The following HNRNPH1 variants were observed in gnomAD, a reference collection of about 807,000 sequenced individuals.
The protein encoded by HNRNPH1 is heterogeneous nuclear ribonucleoprotein H1, also known as heterogeneous nuclear ribonucleoprotein H.
HNRNPH1 carries 4 observed loss-of-function variants against 58.6 expected under a neutral mutation model. That is an observed-to-expected ratio of 0.07 (90% confidence interval 0.03 to 0.16). The LOEUF (loss-of-function observed/expected upper bound fraction) is 0.16, where lower values mean the gene tolerates loss of function less well. HNRNPH1 is among the 10% of genes least tolerant of loss of function. The probability of loss-of-function intolerance (pLI) is 1.00; values close to 1 mark genes in which losing one functional copy is unlikely to be tolerated. For missense variants in HNRNPH1, 271 were observed against 564.2 expected (o/e 0.48, Z 5.26); for synonymous variants, 192 against 189.2 (o/e 1.01, Z -0.12).
chr5:179,630,078 C>G (rs990528944), intron 2 of HNRNPH1, among the ~76,000 whole-genome samples: 1 of 145,322 alleles, frequency 6.9e-6, no homozygotes, highest in Non-Finnish European at 1.5e-5. Flanking sequence ...TGCAGATGAC[C>G]GGGCTCATGC....
Position 179,623,028 on chromosome 5 carries a change from C to G in HNRNPH1, c.97+9G>C. The G allele has an allele frequency of 6.7e-7, 1 of 1,493,236 alleles. No individual in the cohort carries two copies. The highest frequency in any genetic ancestry group is 9.1e-7 in the Non-Finnish European group (1 of 1,103,086). 92.5% of individuals were successfully genotyped at this position (1,493,236 alleles called of 1,614,324 possible). On this transcript the variant is annotated intron_variant, in intron 1 of 12. Transcript: ENST00000356731. ...GAACTCGAACTCCCGCGTCCTAGTT[C>G]TAACTCACCAGAAAAAAACCTCTGC...
chr5:179,615,748 C>A, intron 11 of HNRNPH1, 153 bp from the exon 13 acceptor site: 1 of 533,382 alleles, frequency 1.9e-6, no homozygotes, highest in Non-Finnish European at 3.4e-6. Context: ...AATTCTCCCT[C>A]TGTCTAAAAC....
intron 12 of HNRNPH1, 24 bp from the exon 14 acceptor site, chr5:179,614,983 G>A (rs1330232568): frequency 2.2e-6 from 3 of 1,334,320 alleles, no homozygotes; most frequent in Non-Finnish European, 2.1e-6. Context: ...AATTTGACAA[G>A]TTAGGAGTAA....
chr5:179,619,477 C>T, intron 3 of HNRNPH1, 70 bp from the exon 5 acceptor site: 3 of 1,442,884 alleles, frequency 2.1e-6, no homozygotes, highest in Non-Finnish European at 2.9e-6. Context: ...AATGATTCTT[C>T]TTATAGCTTT....
At chr5:179,633,923 T>TAAATAAAATAAAACAAAATA (rs1775052134) in intron 2 of HNRNPH1, 1 of 147,540 alleles carries the variant, frequency 6.8e-6, no homozygotes, top group African/African-American at 2.5e-5. Flanking sequence ...GTCTCTAAAA[T>TAAATAAAATAAAACAAAATA]AAATAAAATA....
At chr5:179,616,471 G>C (rs1769739909) in intron 10 of HNRNPH1, 7 of 542,020 alleles carry the variant, frequency 1.3e-5, no homozygotes, top group Non-Finnish European at 2.0e-5. Flanking sequence ...TCCGTAAGTA[G>C]AGGCATTTTG....
In HNRNPH1 at chr5:179,617,486, G is replaced by A. The variant is rs767690829; in HGVS notation, c.1057+28C>T. On this transcript the variant is annotated intron_variant, in intron 8 of 12. Coordinates refer to ENST00000356731, the Ensembl canonical transcript of HNRNPH1. ...TGTTAGTCACACAATCACCTGTTAAGAGCCCACAAATGCTCAATCACACTT... is the reference window on the plus strand; with the variant it reads ...TGTTAGTCACACAATCACCTGTTAAAAGCCCACAAATGCTCAATCACACTT... The A allele has an allele frequency of 2.5e-6, 4 of 1,607,266 alleles. No homozygotes were observed. In the South Asian group the frequency reaches 3.3e-5, roughly 13 times the overall value.
intron 11 of HNRNPH1, 86 bp downstream of exon 12, chr5:179,616,040 C>A: frequency 8.5e-7 from 1 of 1,170,250 alleles, no homozygotes; most frequent in Non-Finnish European, 1.3e-6. Flanking sequence ...AGTACAGTAA[C>A]AGGCTTTACC....
chr5:179,633,348 T>C (rs892631415), intron 2 of HNRNPH1, among the ~76,000 whole-genome samples: 1 of 151,168 alleles, frequency 6.6e-6, no homozygotes, highest in Non-Finnish European at 1.5e-5. Context: ...CAGGCTGGAG[T>C]GCAGTGGCAC....
chr5:179,614,748 G>A, exon 13 of HNRNPH1: 1 of 654,682 alleles, frequency 1.5e-6, no homozygotes, highest in Non-Finnish European at 2.6e-6. Flanking sequence ...TCACAAGCTT[G>A]TATTGCAGAA....
At chr5:179,615,071 C>A in intron 12 of HNRNPH1, 112 bp from the exon 14 acceptor site, 1 of 704,068 alleles carries the variant, frequency 1.4e-6, no homozygotes, top group Non-Finnish European at 2.5e-6. Flanking sequence ...TGGCTGCTGT[C>A]CAAGTGGCGA....
At chr5:179,615,723 C>G (rs1769212729) in intron 11 of HNRNPH1, 128 bp from the exon 13 acceptor site, 1 of 551,752 alleles carries the variant, frequency 1.8e-6, no homozygotes, top group Admixed American at 3.5e-5. Flanking sequence ...ACCCAACCAC[C>G]ATTCTACTAT....
At chr5:179,625,900 G>A (rs931522992), upstream of HNRNPH1, among the ~76,000 whole-genome samples, 3 of 151,398 alleles carry the variant, frequency 2.0e-5, no homozygotes, top group Non-Finnish European at 2.9e-5. Flanking sequence ...TCCTGAGTAG[G>A]TAGGACCACA....
intron 2 of HNRNPH1, among the ~76,000 whole-genome samples, chr5:179,632,006 C>T (rs975690455): frequency 6.6e-6 from 1 of 152,142 alleles, no homozygotes; most frequent in African/African-American, 2.4e-5. Flanking sequence ...GCTGCGGAGA[C>T]TTAAGAAAAG....
intron 2 of HNRNPH1, among the ~76,000 whole-genome samples, chr5:179,632,294 C>A (rs561744701): frequency 6.9e-6 from 1 of 144,462 alleles, no homozygotes. Context: ...AGTGACAGAG[C>A]GAGACTCCGT....
chr5:179,626,585 G>A (rs926974859), upstream of HNRNPH1, among the ~76,000 whole-genome samples: 74 of 150,644 alleles, frequency 4.9e-4, no homozygotes, highest in Admixed American at 4.6e-3. Flanking sequence ...GCATGGTGTC[G>A]CGTGCCTGTA....
rs775511317 is a variant in HNRNPH1, at chr5:179,623,180, G to C, written c.-47C>G. The C allele has an allele frequency of 1.4e-6, 2 of 1,403,084 alleles. No homozygotes were observed. Among genetic ancestry groups the C allele is most frequent in the East Asian group, 2.4e-5 (1 of 41,814 alleles). The allele number at this position is 1,403,084 out of a possible 1,614,324, so 86.9% of individuals were successfully genotyped here. A position where few individuals can be genotyped will look rare whatever the true frequency, so the allele number is the denominator to read the frequency against. On this transcript the variant is annotated 5_prime_UTR_variant, in exon 1 of 13. Transcript: ENST00000356731. Reference sequence around the variant, plus strand: ...TCGAAACAAACTGCAAAGCGGGGAGGACCAGAACTGAGAGCGCCAATTAAG... The same window carrying C: ...TCGAAACAAACTGCAAAGCGGGGAGCACCAGAACTGAGAGCGCCAATTAAG...
intron 8 of HNRNPH1, 54 bp from the exon 10 acceptor site, chr5:179,617,164 T>G: frequency 2.6e-6 from 4 of 1,534,532 alleles, no homozygotes; most frequent in Non-Finnish European, 3.6e-6. Context: ...CAAAACAGAA[T>G]AAGCACTTTT....
At chr5:179,624,153 C>T (rs1334343333) in exon 1 of HNRNPH1, 1 of 195,354 alleles carries the variant, frequency 5.1e-6, no homozygotes, top group Non-Finnish European at 1.0e-5. Flanking sequence ...GTTCCCACTC[C>T]CCGCGCCGCC....
Sources: gnomAD v4.1 joint callset for allele counts (sites outside exome capture counted in the v4.1 genomes callset) on GRCh38, gnomAD v4.1.1 for gene constraint, MANE v1.5 for transcripts, NCBI Gene and HGNC (gene_info 2026-07-23, HGNC 2026-07-21) for gene names.